The following SNX29 variants were observed in gnomAD, a reference collection of about 807,000 sequenced individuals.
SNX29 encodes sorting nexin 29.
A neutral mutation model predicts 102.1 loss-of-function variants in SNX29; 78 were observed. That is an observed-to-expected ratio of 0.76 (90% CI 0.64 to 0.92). SNX29 has a LOEUF of 0.92. Ranked by LOEUF, SNX29 falls within the 40% of genes least tolerant of loss-of-function variation. The pLI is 0.00. For missense variants in SNX29, 1,280 were observed against 1,061.7 expected, an observed-to-expected ratio of 1.21 and a Z score of -2.86; for synonymous variants, 580 against 414.5, an observed-to-expected ratio of 1.40 and a Z score of -4.85.
intron 18 of SNX29, among the ~76,000 whole-genome samples, chr16:12,466,955 C>G (rs1288613021): frequency 6.6e-6 from 1 of 152,162 alleles, no homozygotes; most frequent in Non-Finnish European, 1.5e-5. Context: ...GTTTTAGAGC[C>G]AAAGGGTGGG....
chr16:12,023,941 A>G (rs1228774283), intron 3 of SNX29, among the ~76,000 whole-genome samples: 1 of 152,198 alleles, frequency 6.6e-6, no homozygotes, highest in African/African-American at 2.4e-5. Flanking sequence ...CCCTGACTGG[A>G]GAGACCATGT....
At chr16:12,193,755 C>G (rs2076703167) in intron 13 of SNX29, among the ~76,000 whole-genome samples, 1 of 152,130 alleles carries the variant, frequency 6.6e-6, no homozygotes. Context: ...AAAAGATTGT[C>G]CTTTCTCCAG....
intron 3 of SNX29, among the ~76,000 whole-genome samples, chr16:12,008,045 G>A (rs577043924): frequency 3.3e-4 from 50 of 152,072 alleles, no homozygotes; most frequent in Non-Finnish European, 6.0e-4. Flanking sequence ...CCAGGTTCAC[G>A]CTGTTCTCCT....
intron 15 of SNX29, among the ~76,000 whole-genome samples, chr16:12,285,620 C>T (rs974555242): frequency 6.6e-6 from 1 of 152,090 alleles, no homozygotes; most frequent in Non-Finnish European, 1.5e-5. Flanking sequence ...GTAAAAATTC[C>T]GGAAGCAGCC....
chr16:12,457,305 G>C (rs2086582018), intron 18 of SNX29, among the ~76,000 whole-genome samples: 1 of 152,206 alleles, frequency 6.6e-6, no homozygotes, highest in African/African-American at 2.4e-5. Context: ...AAGGTAGGTT[G>C]GCCAGGGTTG....
chr16:12,293,975 T>G (rs944046542), intron 15 of SNX29, among the ~76,000 whole-genome samples: 1 of 152,226 alleles, frequency 6.6e-6, no homozygotes, highest in African/African-American at 2.4e-5. Flanking sequence ...GAAACTGAGG[T>G]GTGGTGTGCT....
intron 15 of SNX29, among the ~76,000 whole-genome samples, chr16:12,330,370 G>C (rs1477425958): frequency 2.0e-5 from 3 of 152,142 alleles, no homozygotes; most frequent in Non-Finnish European, 4.4e-5. Context: ...GGGAGGCTGA[G>C]GCAGGAGAAT....
At chr16:12,105,227 C>CCTTT (rs368783546) in intron 11 of SNX29, among the ~76,000 whole-genome samples, 4 of 105,672 alleles carry the variant, frequency 3.8e-5, no homozygotes, top group Non-Finnish European at 8.0e-5. Context: ...CTCCCTCCCT[C>CCTTT]CCTTCCTTCC....
chr16:12,300,751 T>G (rs933431128), intron 15 of SNX29, among the ~76,000 whole-genome samples: 1 of 152,214 alleles, frequency 6.6e-6, no homozygotes, highest in Non-Finnish European at 1.5e-5. Context: ...TTTCTCAAAC[T>G]CAGCCTTGAT....
At chr16:12,356,005 A>G (rs1404721504) in intron 15 of SNX29, among the ~76,000 whole-genome samples, 158 bp from the exon 16 acceptor site, 1 of 152,022 alleles carries the variant, frequency 6.6e-6, no homozygotes, top group Non-Finnish European at 1.5e-5. Flanking sequence ...TTATGGGTGG[A>G]TTGCATGGTT....
chr16:12,193,818 C>T (rs1030932659), intron 13 of SNX29, among the ~76,000 whole-genome samples: 3 of 152,116 alleles, frequency 2.0e-5, no homozygotes, highest in Admixed American at 6.5e-5. Flanking sequence ...GGGTTTATTC[C>T]CTGATTCTTT....
At chr16:12,141,368 A>G (rs113377560) in intron 13 of SNX29, among the ~76,000 whole-genome samples, 2,121 of 152,282 alleles carry the variant, frequency 0.014, 31 homozygotes, top group South Asian at 0.092. Context: ...TGCTAATGGA[A>G]AGGGGTCTTG....
chr16:12,449,860 A>C (rs1713237052), intron 18 of SNX29, among the ~76,000 whole-genome samples: 1 of 152,208 alleles, frequency 6.6e-6, no homozygotes, highest in Non-Finnish European at 1.5e-5. Flanking sequence ...ACATTTGACA[A>C]TGTTTTTACA....
rs966812170 is a variant in SNX29 at position 12,568,812 on chromosome 16, C to G, written c.*183C>G. Reference sequence around the variant, plus strand: ...AATCAGTCTTCGAGCCGCATGATACCGTGACCCGAGAGACCAAGGCAGCAC... The same window carrying G: ...AATCAGTCTTCGAGCCGCATGATACGGTGACCCGAGAGACCAAGGCAGCAC... On this transcript the variant is annotated 3_prime_UTR_variant, in exon 21 of 21. Coordinates refer to ENST00000566228, the MANE Select transcript of SNX29 (RefSeq NM_032167.5). The G allele has an allele frequency of 2.6e-5, 25 of 979,338 alleles. No homozygotes were observed. Among genetic ancestry groups the G allele is most frequent in the African/African-American group, 3.3e-5 (2 of 60,794 alleles). 60.7% of individuals were successfully genotyped at this position (979,338 alleles called of 1,614,324 possible). A position where few individuals can be genotyped will look rare whatever the true frequency, so the allele number is the denominator to read the frequency against.
Position 12,145,095 on chromosome 16 carries a change from C to T in SNX29, c.1595+15337C>T, listed in dbSNP as rs59256917. On this transcript the variant is annotated intron_variant, in intron 13 of 20. Transcript: ENST00000566228. ...CTGTTCTGCAACTTGGTTTGCTCAC[C>T]CAATGTAAAGCTGAATGGTTTCAGA... Among the ~76,000 whole-genome samples, 1,470 of 152,074 alleles carry T rather than the reference C, an allele frequency of 9.7e-3. 25 individuals carry two copies. Among genetic ancestry groups the T allele is most frequent in the African/African-American group, 0.034 (1,396 of 41,470 alleles).
chr16:12,176,242 C>T (rs1466189541), intron 13 of SNX29, among the ~76,000 whole-genome samples: 1 of 152,184 alleles, frequency 6.6e-6, no homozygotes, highest in African/African-American at 2.4e-5. Context: ...GTTATGGCAG[C>T]CCTGGCAGAC....
At chr16:12,539,591 G>A (rs1013680783) in intron 20 of SNX29, among the ~76,000 whole-genome samples, 1 of 152,154 alleles carries the variant, frequency 6.6e-6, no homozygotes, top group Non-Finnish European at 1.5e-5. Flanking sequence ...TCATTTCTGT[G>A]CGGCAAATAC....
intron 15 of SNX29, among the ~76,000 whole-genome samples, chr16:12,318,429 T>C (rs556732350): frequency 7.2e-4 from 109 of 152,018 alleles, no homozygotes; most frequent in African/African-American, 2.5e-3. Context: ...CCGGTCAGAG[T>C]CGGGAACGTG....
chr16:12,566,430 C>T (rs149930454), intron 20 of SNX29, among the ~76,000 whole-genome samples: 1 of 4,060 alleles, frequency 2.5e-4, no homozygotes, highest in African/African-American at 3.5e-3. Flanking sequence ...AGGGCCTCTC[C>T]CCCCAAGCTC....
Sources: allele counts gnomAD v4.1 joint callset (sites outside exome capture counted in the v4.1 genomes callset), GRCh38; gene constraint gnomAD v4.1.1; transcripts MANE v1.5; gene names NCBI Gene and HGNC (gene_info 2026-07-23, HGNC 2026-07-21).